The following PI4KA variants were observed in gnomAD, a reference collection of about 807,000 sequenced individuals.
The protein encoded by PI4KA is PI4-kinase alpha.
A neutral mutation model predicts 271.4 loss-of-function variants in PI4KA; 122 were observed. The observed-to-expected ratio is 0.45, with a 90% CI of 0.39 to 0.52. The LOEUF is 0.52. Among genes scored for constraint, PI4KA ranks in the 20% least tolerant of loss-of-function variants. The pLI, the probability that PI4KA is intolerant of heterozygous loss-of-function variation, is 0.00. For synonymous variants in PI4KA, 1,041 were observed against 1,078.8 expected (o/e 0.96, Z 0.69); for missense variants, 1,969 against 2,769.1 (o/e 0.71, Z 6.48).
rs780158708 is a variant in PI4KA at position 20,721,381 on chromosome 22, G to A, written c.5033C>T (p.Ser1678Phe). Residue 1678 changes from serine to phenylalanine, a missense_variant, in exon 43 of 55, where the codon TCT (serine) becomes TTT (phenylalanine). Physicochemically the swap from Ser to Phe is radical, Grantham distance 155. Transcript: ENST00000255882. ...CTGGTGTGCCAGAAGCTGGGATTTA[G>A]ACGCTGCCCACAGAATATACTCCCG... The part of the protein sequence containing the change: ...YVREYILWAA[S>F]KSQLLAHQFI... 1 of 1,614,000 alleles carries A rather than the reference G, an allele frequency of 6.2e-7. No individual in the cohort carries two copies. Among genetic ancestry groups the A allele is most frequent in the Non-Finnish European group, 8.5e-7 (1 of 1,179,960 alleles).
At chr22:20,722,303 C>T (rs563897327) in intron 42 of PI4KA, among the ~76,000 whole-genome samples, 1 of 152,288 alleles carries the variant, frequency 6.6e-6, no homozygotes, top group African/African-American at 2.4e-5. Context: ...TCTCTTGCCT[C>T]AGCCTCCCGA....
intron 17 of PI4KA, 36 bp downstream of exon 17, chr22:20,798,548 T>G (rs977982766): frequency 3.4e-6 from 4 of 1,191,094 alleles, no homozygotes; most frequent in Non-Finnish European, 5.0e-6. Flanking sequence ...AGTTAAATAC[T>G]GTCATGATAA....
chr22:20,855,638 C>T (rs930340076), intron 1 of PI4KA, among the ~76,000 whole-genome samples: 1 of 152,304 alleles, frequency 6.6e-6, no homozygotes. Flanking sequence ...TCTCTCCCTC[C>T]TGTGAGGATA....
chr22:20,735,470 C>T (rs1928602288), intron 32 of PI4KA, among the ~76,000 whole-genome samples: 1 of 147,400 alleles, frequency 6.8e-6, no homozygotes, highest in Non-Finnish European at 1.5e-5. Flanking sequence ...CGTGGCCAGT[C>T]ACAGGGCTCT....
intron 19 of PI4KA, among the ~76,000 whole-genome samples, chr22:20,776,487 A>G (rs1933289361): frequency 6.6e-6 from 1 of 152,214 alleles, no homozygotes. Context: ...TGTGCAATTC[A>G]AAAGTCTTTC....
At chr22:20,709,563 C>T in intron 53 of PI4KA, 184 bp from the exon 54 acceptor site, 2 of 615,192 alleles carry the variant, frequency 3.3e-6, no homozygotes, top group Non-Finnish European at 5.9e-6. Context: ...ATCATGGGCC[C>T]TGTCCCCTTC....
intron 23 of PI4KA, among the ~76,000 whole-genome samples, chr22:20,755,829 GA>G (rs1931232569): frequency 6.6e-6 from 1 of 150,806 alleles, no homozygotes; most frequent in South Asian, 2.1e-4. Flanking sequence ...AAAAGAAAAA[GA>G]AAAAAAGCAA....
chr22:20,826,141 G>A (rs1251476028), intron 3 of PI4KA, among the ~76,000 whole-genome samples: 1 of 152,170 alleles, frequency 6.6e-6, no homozygotes, highest in East Asian at 1.9e-4. Context: ...CCAGGAGTTC[G>A]AGACCAGCCT....
intron 3 of PI4KA, among the ~76,000 whole-genome samples, chr22:20,833,597 A>G (rs1924476626): frequency 6.6e-6 from 1 of 151,156 alleles, no homozygotes; most frequent in South Asian, 2.1e-4. Flanking sequence ...TAATGAGAAC[A>G]GCAAAACCCA....
chr22:20,806,598 G>A (rs936935472), intron 10 of PI4KA, among the ~76,000 whole-genome samples: 2 of 151,900 alleles, frequency 1.3e-5, no homozygotes, highest in African/African-American at 4.8e-5. Flanking sequence ...CTTGAGCCTG[G>A]GAGGCAGAAG....
intron 19 of PI4KA, chr22:20,779,193 G>T: frequency 6.3e-7 from 1 of 1,589,334 alleles, no homozygotes; most frequent in African/African-American, 1.3e-5. Context: ...ATGCTGTGAG[G>T]GCCTCTTCCT....
At chr22:20,771,003 G>C (rs1022605902) in intron 19 of PI4KA, among the ~76,000 whole-genome samples, 1 of 152,052 alleles carries the variant, frequency 6.6e-6, no homozygotes, top group Non-Finnish European at 1.5e-5. Context: ...AACATAGTGA[G>C]ACCCCGCTTT....
intron 7 of PI4KA, among the ~76,000 whole-genome samples, chr22:20,815,599 A>G (rs1921694596): frequency 6.6e-6 from 1 of 152,146 alleles, no homozygotes; most frequent in Non-Finnish European, 1.5e-5. Context: ...CACACTGCCA[A>G]TCTGTCTAAA....
At chr22:20,767,241 G>A (rs1309959509) in intron 19 of PI4KA, among the ~76,000 whole-genome samples, 6 of 152,150 alleles carry the variant, frequency 3.9e-5, no homozygotes, top group Admixed American at 3.9e-4. Context: ...AGGAGATCAA[G>A]ACCATTCTGG....
intron 32 of PI4KA, among the ~76,000 whole-genome samples, chr22:20,740,828 CA>C (rs1186055546): frequency 1.3e-5 from 2 of 152,066 alleles, no homozygotes; most frequent in Non-Finnish European, 2.9e-5. Flanking sequence ...AACAATAAAA[CA>C]AAAAACTATC....
chr22:20,771,422 C>CAA (rs777990140), intron 19 of PI4KA, among the ~76,000 whole-genome samples: 1 of 104,524 alleles, frequency 9.6e-6, no homozygotes, highest in Non-Finnish European at 2.0e-5. Flanking sequence ...GACTCTGTCT[C>CAA]AAAAAAAAAA....
At chr22:20,734,745 T>C in intron 32 of PI4KA, 192 bp from the exon 33 acceptor site, 3 of 804,892 alleles carry the variant, frequency 3.7e-6, no homozygotes, top group Non-Finnish European at 1.9e-6. Flanking sequence ...CTTGGTGTAT[T>C]TTCTCCAGCC....
intron 7 of PI4KA, among the ~76,000 whole-genome samples, chr22:20,816,055 T>A (rs887188765): frequency 3.9e-5 from 6 of 152,052 alleles, no homozygotes; most frequent in African/African-American, 1.4e-4. Context: ...TTCTCATGTC[T>A]CAGTCTCCTG....
chr22:20,718,676 T>G lies in PI4KA; in HGVS notation c.5246+17A>C, dbSNP rs766155660. 2 of 1,612,672 alleles carry G rather than the reference T, an allele frequency of 1.2e-6. No homozygotes were observed. Among genetic ancestry groups the G allele is most frequent in the South Asian group, 2.2e-5 (2 of 91,022 alleles). On this transcript the variant is annotated intron_variant, in intron 44 of 54. Transcript: ENST00000255882. ...GAAGGAGATCCCAGAAGGTGGTTTCTGAAGCACTGCACTTACTTGATGATA... is the reference window on the plus strand; with the variant it reads ...GAAGGAGATCCCAGAAGGTGGTTTCGGAAGCACTGCACTTACTTGATGATA...
Sources: allele counts gnomAD v4.1 joint callset (sites outside exome capture counted in the v4.1 genomes callset), GRCh38; gene constraint gnomAD v4.1.1; transcripts MANE v1.5; gene names NCBI Gene and HGNC (gene_info 2026-07-23, HGNC 2026-07-21).